MRRF: variants seen among roughly 807,000 people sequenced by gnomAD.
MRRF encodes ribosome-recycling factor, mitochondrial.
In MRRF, 18 loss-of-function variants were observed where a neutral mutation model predicts 25.1. The ratio of observed to expected loss-of-function variants is 0.72; its 90% CI spans 0.50 to 1.06. The LOEUF (loss-of-function observed/expected upper bound fraction) is 1.06, where lower values mean the gene tolerates loss of function less well. Among genes scored for constraint, MRRF ranks in the 50% least tolerant of loss-of-function variants. MRRF has a pLI of 0.00. For synonymous variants in MRRF, 113 were observed against 112.1 expected (o/e 1.01, Z -0.05); for missense variants, 323 against 319.3 (o/e 1.01, Z -0.09).
rs770821462 is a variant in MRRF, at chr9:122,270,929, C to G, written c.38C>G (p.Pro13Arg). The change falls in exon 2 of 7, where the codon CCT becomes CGT. Residue 13 changes from proline to arginine, a missense_variant. Coordinates refer to ENST00000344641, the MANE Select transcript of MRRF (RefSeq NM_138777.5). ...LGLKCFRMVH[P>R]TFRNYLAASI... ...TTAAAGTGCTTCCGCATGGTCCACC[C>G]TACCTTTCGCAATTATCTTGCAGCC... 6.2e-7 allele frequency: 1 copy of G among 1,614,190 alleles called. No individual in the cohort carries two copies. The highest frequency in any genetic ancestry group is 1.7e-5 in the Admixed American group (1 of 60,026).
At chr9:122,311,768 G>C (rs1236200751) in intron 5 of MRRF, among the ~76,000 whole-genome samples, 1 of 152,138 alleles carries the variant, frequency 6.6e-6, no homozygotes, top group Non-Finnish European at 1.5e-5. Context: ...AAATACTTCA[G>C]TATGTTCTTT....
At chr9:122,300,965 G>A (rs1408479352) in intron 5 of MRRF, among the ~76,000 whole-genome samples, 3 of 152,170 alleles carry the variant, frequency 2.0e-5, no homozygotes, top group African/African-American at 7.2e-5. Flanking sequence ...AGAAGCCTTG[G>A]CTGTCCTTGG....
chr9:122,326,562 G>A lies in MRRF; in HGVS notation c.*3945G>A, dbSNP rs1428323329. On this transcript the variant is annotated 3_prime_UTR_variant, in exon 7 of 7. Transcript: ENST00000344641. ...TGTGATACAGTATTCCATAATATGGGTCTACCATAACTTAATTCACTATTA... is the reference window on the plus strand; with the variant it reads ...TGTGATACAGTATTCCATAATATGGATCTACCATAACTTAATTCACTATTA... 6.6e-6 allele frequency: 1 copy of A among 151,898 alleles called. No individual in the cohort carries two copies. The highest frequency in any genetic ancestry group is 1.9e-4 in the East Asian group (1 of 5,198). 9.4% of individuals were successfully genotyped at this position (151,898 alleles called of 1,614,324 possible).
At chr9:122,299,253 C>T (rs1383020176) in intron 5 of MRRF, among the ~76,000 whole-genome samples, 3 of 151,490 alleles carry the variant, frequency 2.0e-5, no homozygotes, top group Non-Finnish European at 4.4e-5. Context: ...GGCATGGTGG[C>T]ATGTGCCTGT....
At position 122,279,791 on chromosome 9, in the gene MRRF, T is replaced by C. The variant is rs185709884; in HGVS notation, c.185-652T>C. On this transcript the variant is annotated intron_variant, in intron 2 of 6. Transcript: ENST00000344641. ...CTACTATTGTTCCTTTTGTCTGTAC[T>C]CTACCAGCCATCAGATATTGTGTGC... Among the ~76,000 whole-genome samples, 7 of 152,358 alleles carry C rather than the reference T, an allele frequency of 4.6e-5. No homozygotes were observed. The East Asian group carries it at 1.3e-3, about 29-fold the overall frequency.
intron 6 of MRRF, among the ~76,000 whole-genome samples, chr9:122,321,515 C>T (rs1248163308): frequency 6.6e-6 from 1 of 151,990 alleles, no homozygotes. Context: ...GATAATTTCC[C>T]AGTTGAGAGA....
chr9:122,328,610 T>C lies in MRRF; in HGVS notation c.*5993T>C, dbSNP rs2119050663. On this transcript the variant is annotated 3_prime_UTR_variant, in exon 7 of 7. Coordinates refer to ENST00000344641, the MANE Select transcript of MRRF (RefSeq NM_138777.5). ...ATATATGAATAAGTATATATAAAGC[T>C]CCTTTTAACAGACACTTAAATTCAT... is the stretch of plus-strand genomic sequence containing the variant. 6.6e-6 allele frequency: 1 copy of C among 152,350 alleles called. No homozygotes were observed. Among genetic ancestry groups the C allele is most frequent in the South Asian group, 2.1e-4 (1 of 4,830 alleles). 9.4% of individuals were successfully genotyped at this position (152,350 alleles called of 1,614,324 possible).
rs562456486 is a variant in MRRF, at chr9:122,285,866, C to A, written c.459+579C>A. The A allele has an allele frequency of 1.4e-4, 174 of 1,283,720 alleles. 5 individuals carry two copies. The South Asian group carries it at 2.2e-3, about 16-fold the overall frequency. 79.5% of individuals were successfully genotyped at this position (1,283,720 alleles called of 1,614,324 possible). On this transcript the variant is annotated intron_variant, in intron 4 of 6. Coordinates refer to ENST00000344641, the MANE Select transcript of MRRF (RefSeq NM_138777.5). ...GTGACCTCTGCATTAGTATTTGGAG[C>A]AGACCCTCCAGGAAGTCCTTTTATA...
chr9:122,305,985 T>C (rs1405336454), intron 5 of MRRF, among the ~76,000 whole-genome samples: 9 of 152,202 alleles, frequency 5.9e-5, no homozygotes, highest in Non-Finnish European at 7.4e-5. Flanking sequence ...TTGAGATCAG[T>C]ATGTTATCTC....
rs771210761 is a variant in MRRF at position 122,285,198 on chromosome 9, G to A, written c.370G>A (p.Ala124Thr). Residue 124 changes from alanine (A) to threonine (T), a missense_variant, in exon 4 of 7, where the codon GCT becomes ACT. Physicochemically the swap from Ala to Thr is moderately conservative, Grantham distance 58. Transcript: ENST00000344641. ...GSLDKIAVVT[A>T]DGKLALNQIS... ...CCTTGACAAGATTGCTGTGGTAACT[G>A]CTGACGGGAAGCTTGCTTTAAACCA... The A allele has an allele frequency of 6.2e-7, 1 of 1,613,678 alleles. No homozygotes were observed. The highest frequency in any genetic ancestry group is 8.5e-7 in the Non-Finnish European group (1 of 1,179,614).
chr9:122,279,085 C>T (rs1007729836), intron 2 of MRRF, among the ~76,000 whole-genome samples: 1 of 152,108 alleles, frequency 6.6e-6, no homozygotes, highest in Non-Finnish European at 1.5e-5. Context: ...TTTGGTCAGG[C>T]TGATCTTGAA....
At chr9:122,278,953 A>G (rs1376738542) in intron 2 of MRRF, among the ~76,000 whole-genome samples, 1 of 151,454 alleles carries the variant, frequency 6.6e-6, no homozygotes, top group Non-Finnish European at 1.5e-5. Flanking sequence ...GCTCACTGCA[A>G]CCTCCACCTC....
chr9:122,290,770 T>C (rs978354999), intron 4 of MRRF, among the ~76,000 whole-genome samples: 2 of 152,164 alleles, frequency 1.3e-5, no homozygotes, highest in African/African-American at 4.8e-5. Flanking sequence ...TAGGATTGCA[T>C]ACAAGGTATA....
In MRRF at chr9:122,270,854, T is replaced by C. The variant is rs900916807; in HGVS notation, c.-28-10T>C. The stretch of plus-strand genomic sequence containing the variant: ...TTACTTAGATCTGCTTTTTGTCTTA[T>C]TCTTTTTAGTGGATGTTTCCAAGGA... On this transcript the variant is annotated splice_polypyrimidine_tract_variant and intron_variant, in intron 1 of 6. Coordinates refer to ENST00000344641, the MANE Select transcript of MRRF (RefSeq NM_138777.5). The C allele has an allele frequency of 5.6e-6, 9 of 1,609,668 alleles. No homozygotes were observed. The Admixed American group carries it at 6.7e-5, about 12-fold the overall frequency.
rs990414271 is a variant in MRRF, at chr9:122,324,684, A to T, written c.*2067A>T. 2 of 152,206 alleles carry T rather than the reference A, an allele frequency of 1.3e-5. No homozygotes were observed. The highest frequency in any genetic ancestry group is 4.8e-5 in the African/African-American group (2 of 41,446). The allele number at this position is 152,206 out of a possible 1,614,324, so 9.4% of individuals were successfully genotyped here. ...CTTTGGTGGTGGCAAGGCCTGGCTG[A>T]GTTCTTTCAAAGCAACATCCAACTT... On this transcript the variant is annotated 3_prime_UTR_variant, in exon 7 of 7. Transcript: ENST00000344641.
At chr9:122,286,033 C>T (rs997835082) in intron 4 of MRRF, 1 of 1,298,066 alleles carries the variant, frequency 7.7e-7, no homozygotes, top group African/African-American at 1.5e-5. Flanking sequence ...GTTATTGGTC[C>T]ACTAGGAATT....
chr9:122,284,137 C>G (rs1367770456), intron 3 of MRRF, among the ~76,000 whole-genome samples: 1 of 152,134 alleles, frequency 6.6e-6, no homozygotes, highest in Non-Finnish European at 1.5e-5. Context: ...CCCCAAATCA[C>G]AGGCTCCGAA....
intron 6 of MRRF, among the ~76,000 whole-genome samples, chr9:122,316,564 G>A (rs1169532294): frequency 1.3e-5 from 2 of 152,014 alleles, no homozygotes; most frequent in Non-Finnish European, 2.9e-5. Context: ...ATACTTCATG[G>A]TGTTCTTTCT....
chr9:122,280,801 T>C (rs1008849067), intron 3 of MRRF, among the ~76,000 whole-genome samples: 5 of 152,250 alleles, frequency 3.3e-5, no homozygotes, highest in African/African-American at 9.6e-5. Context: ...TAACGTATTA[T>C]GGTTCTAGCA....
Sources: allele counts gnomAD v4.1 joint callset (sites outside exome capture counted in the v4.1 genomes callset), GRCh38; gene constraint gnomAD v4.1.1; transcripts MANE v1.5; gene names NCBI Gene and HGNC (gene_info 2026-07-23, HGNC 2026-07-21).